Variants in SPAG9 observed in about 807,000 individuals in gnomAD.
SPAG9 encodes C-Jun-amino-terminal kinase-interacting protein 4.
Under a neutral mutation model 166.5 loss-of-function variants are expected in SPAG9, and 35 were observed. The ratio of observed to expected loss-of-function variants is 0.21; its 90% CI spans 0.16 to 0.28. SPAG9 has a LOEUF of 0.28. Ranked by LOEUF, SPAG9 falls within the 10% of genes least tolerant of loss-of-function variation. The pLI is 1.00. For missense variants in SPAG9, 1,235 were observed against 1,603.3 expected, an observed-to-expected ratio of 0.77 and a Z score of 3.92; for synonymous variants, 534 against 565.5, an observed-to-expected ratio of 0.94 and a Z score of 0.79.
At chr17:51,109,715 T>C (rs1419702278) in intron 1 of SPAG9, among the ~76,000 whole-genome samples, 1 of 152,116 alleles carries the variant, frequency 6.6e-6, no homozygotes, top group Non-Finnish European at 1.5e-5. Context: ...TTCTTTTTTT[T>C]CTTTTCTTTT....
intron 1 of SPAG9, among the ~76,000 whole-genome samples, chr17:51,091,623 T>C (rs765771541): frequency 6.6e-6 from 1 of 151,928 alleles, no homozygotes; most frequent in Non-Finnish European, 1.5e-5. Flanking sequence ...CTCCTCCCCT[T>C]TTCTGTTTTT....
intron 21 of SPAG9, among the ~76,000 whole-genome samples, chr17:50,988,282 A>G (rs1016699283): frequency 6.6e-6 from 1 of 152,168 alleles, no homozygotes; most frequent in Non-Finnish European, 1.5e-5. Flanking sequence ...TTTGTAAAAA[A>G]TCAGACCTTA....
chr17:51,069,549 G>GT (rs1177930243), intron 2 of SPAG9, among the ~76,000 whole-genome samples: 32 of 151,988 alleles, frequency 2.1e-4, no homozygotes, highest in Admixed American at 2.1e-3. Flanking sequence ...ATCACCTTGT[G>GT]TTGAAGGTCT....
chr17:51,076,866 T>C (rs985336914), intron 2 of SPAG9, among the ~76,000 whole-genome samples: 3 of 152,078 alleles, frequency 2.0e-5, no homozygotes, highest in Admixed American at 2.0e-4. Context: ...TAAAAGATTA[T>C]ATAATCCCTT....
At chr17:51,048,249 T>G (rs1204905290) in intron 3 of SPAG9, among the ~76,000 whole-genome samples, 1 of 152,064 alleles carries the variant, frequency 6.6e-6, no homozygotes, top group Admixed American at 6.6e-5. Flanking sequence ...CTTGATAATA[T>G]ATAGTTTCAC....
intron 8 of SPAG9, 66 bp downstream of exon 8, chr17:51,020,093 G>T: frequency 1.1e-6 from 1 of 890,746 alleles, no homozygotes; most frequent in Non-Finnish European, 1.9e-6. Flanking sequence ...AGAGACTGGA[G>T]AACAGTGTTT....
intron 4 of SPAG9, among the ~76,000 whole-genome samples, chr17:51,045,164 C>T (rs2046975104): frequency 1.3e-5 from 2 of 152,170 alleles, no homozygotes; most frequent in South Asian, 2.1e-4. Context: ...AGCATTTGCA[C>T]CCAGGCAGTT....
chr17:50,996,308 C>A, intron 16 of SPAG9: 1 of 416,114 alleles, frequency 2.4e-6, no homozygotes, highest in Non-Finnish European at 4.3e-6. Context: ...TACAGCAGAG[C>A]GGGTACCTCA....
intron 1 of SPAG9, among the ~76,000 whole-genome samples, chr17:51,115,276 A>G (rs1006187596): frequency 2.0e-5 from 3 of 151,768 alleles, no homozygotes; most frequent in Admixed American, 6.6e-5. Context: ...GCAGTCTCAA[A>G]CTCCTGGGCT....
chr17:51,116,049 T>A (rs1017425894), intron 1 of SPAG9, among the ~76,000 whole-genome samples: 4 of 152,034 alleles, frequency 2.6e-5, no homozygotes, highest in Admixed American at 6.6e-5. Flanking sequence ...CTTTTTTTTT[T>A]CTTTTTTCTT....
intron 2 of SPAG9, among the ~76,000 whole-genome samples, chr17:51,076,775 C>A (rs1184424361): frequency 6.6e-6 from 1 of 151,872 alleles, no homozygotes; most frequent in Non-Finnish European, 1.5e-5. Context: ...GTGTACCCTG[C>A]AGATATCAAC....
At position 50,977,866 on chromosome 17, in the gene SPAG9, G is replaced by A. The variant is rs558857660; in HGVS notation, c.3410-645C>T. Among the ~76,000 whole-genome samples the A allele has an allele frequency of 7.2e-5, 11 of 152,140 alleles. No individual in the cohort carries two copies. The South Asian group carries it at 2.1e-3, about 29-fold the overall frequency. On this transcript the variant is annotated intron_variant, in intron 26 of 29. Coordinates refer to ENST00000262013, the MANE Select transcript of SPAG9 (RefSeq NM_001130528.3). ...ACCACTGCACTCCAGCCTGTGCAAC[G>A]GACCAAGACTTTGTCTCTAAAAACA... is the stretch of plus-strand genomic sequence containing the variant.
At position 51,106,451 on chromosome 17, in the gene SPAG9, G is replaced by C. The variant is rs1488996789; in HGVS notation, c.303+13903C>G. Among the ~76,000 whole-genome samples the C allele has an allele frequency of 2.0e-5, 3 of 152,112 alleles. No individual in the cohort carries two copies. In the East Asian group the frequency reaches 5.8e-4, roughly 29 times the overall value. ...GCAATGTAAACTCCAAGACAAGATA[G>C]GCTACCTTCCTTGTCTGTTTCATTA... On this transcript the variant is annotated intron_variant, in intron 1 of 29. Transcript: ENST00000262013.
At position 51,041,685 on chromosome 17, in the gene SPAG9, A is replaced by C. The variant is rs368340713; in HGVS notation, c.591-34T>G. Reference sequence around the variant, plus strand: ...AGAGGGGAGAAAAAATTCGGCATTCATTTATTTTGACTTTTTATTTGCCAT... The same window carrying C: ...AGAGGGGAGAAAAAATTCGGCATTCCTTTATTTTGACTTTTTATTTGCCAT... On this transcript the variant is annotated intron_variant, in intron 4 of 29. Transcript: ENST00000262013. 70 of 1,605,684 alleles carry C rather than the reference A, an allele frequency of 4.4e-5. No individual in the cohort carries two copies. The African/African-American group carries it at 8.5e-4, about 19-fold the overall frequency.
intron 5 of SPAG9, among the ~76,000 whole-genome samples, chr17:51,037,847 C>T (rs1014806666): frequency 3.3e-5 from 5 of 151,230 alleles, no homozygotes; most frequent in African/African-American, 7.3e-5. Context: ...ACTACAAGCA[C>T]GAGCCACCTG....
intron 1 of SPAG9, among the ~76,000 whole-genome samples, chr17:51,105,025 G>A (rs1352201377): frequency 6.6e-6 from 1 of 151,618 alleles, no homozygotes; most frequent in East Asian, 1.9e-4. Flanking sequence ...GAACTGGGGA[G>A]GCAGAGCTTG....
intron 19 of SPAG9, among the ~76,000 whole-genome samples, chr17:50,992,838 T>G (rs1205482288): frequency 6.6e-6 from 1 of 152,046 alleles, no homozygotes; most frequent in Non-Finnish European, 1.5e-5. Flanking sequence ...GGGTCACACC[T>G]GTAATCTCAG....
At chr17:51,114,951 C>CAA (rs531593746) in intron 1 of SPAG9, among the ~76,000 whole-genome samples, 13 of 121,992 alleles carry the variant, frequency 1.1e-4, no homozygotes, top group East Asian at 2.4e-4. Context: ...GACTCTGTCT[C>CAA]AAAAAAAAAA....
At chr17:51,004,405 T>C (rs2045104286) in intron 12 of SPAG9, among the ~76,000 whole-genome samples, 1 of 152,176 alleles carries the variant, frequency 6.6e-6, no homozygotes, top group African/African-American at 2.4e-5. Context: ...CAACCACATA[T>C]CTTTGGTCTG....
Sources: allele counts gnomAD v4.1 joint callset (sites outside exome capture counted in the v4.1 genomes callset), GRCh38; gene constraint gnomAD v4.1.1; transcripts MANE v1.5; gene names NCBI Gene and HGNC (gene_info 2026-07-23, HGNC 2026-07-21).